The following IL1RAP variants were observed in gnomAD, a reference collection of about 807,000 sequenced individuals.
The protein encoded by IL1RAP is interleukin 1 receptor accessory protein, also known as interleukin-1 receptor accessory protein.
A neutral mutation model predicts 60.7 loss-of-function variants in IL1RAP; 35 were observed. That is an observed-to-expected ratio of 0.58 (90% CI 0.44 to 0.76). The LOEUF is 0.76. Ranked by LOEUF, IL1RAP falls within the 30% of genes least tolerant of loss-of-function variation. The pLI, the probability that IL1RAP is intolerant of heterozygous loss-of-function variation, is 0.00. For missense variants in IL1RAP, 572 were observed against 693.9 expected (o/e 0.82, Z 1.97); for synonymous variants, 268 against 250.9 (o/e 1.07, Z -0.64).
intron 1 of IL1RAP, among the ~76,000 whole-genome samples, chr3:190,520,272 T>C (rs1240863635): frequency 6.6e-6 from 1 of 152,216 alleles, no homozygotes. Flanking sequence ...GGGTTCATAT[T>C]ATGTCAGTGG....
At chr3:190,609,896 T>C (rs1730672245) in intron 5 of IL1RAP, among the ~76,000 whole-genome samples, 6 of 152,100 alleles carry the variant, frequency 3.9e-5, no homozygotes, top group Admixed American at 3.9e-4. Flanking sequence ...CTGTCAGACT[T>C]GACAACAGGA....
chr3:190,525,647 C>A (rs1722447004), intron 1 of IL1RAP, among the ~76,000 whole-genome samples: 1 of 152,162 alleles, frequency 6.6e-6, no homozygotes, highest in African/African-American at 2.4e-5. Flanking sequence ...ATGAGAAAGA[C>A]AATTTGGTTT....
chr3:190,560,864 CTAAGTACATTT>C (rs1192269389), intron 2 of IL1RAP, among the ~76,000 whole-genome samples: 6 of 152,126 alleles, frequency 3.9e-5, no homozygotes, highest in Non-Finnish European at 8.8e-5. Context: ...TTACAGAGAA[CTAAGTACATTT>C]TAAATCTTCT....
chr3:190,555,155 A>G (rs1725295352), intron 1 of IL1RAP, among the ~76,000 whole-genome samples: 1 of 152,214 alleles, frequency 6.6e-6, no homozygotes, highest in Non-Finnish European at 1.5e-5. Flanking sequence ...GGGAAAAGTA[A>G]TTAATTTCCT....
At chr3:190,615,990 C>A (rs530936394) in intron 5 of IL1RAP, among the ~76,000 whole-genome samples, 1 of 152,092 alleles carries the variant, frequency 6.6e-6, no homozygotes, top group East Asian at 1.9e-4. Flanking sequence ...GGATTTTCAA[C>A]CTTTAGTGTG....
At chr3:190,612,132 T>G (rs1428540797) in intron 5 of IL1RAP, among the ~76,000 whole-genome samples, 1 of 152,154 alleles carries the variant, frequency 6.6e-6, no homozygotes, top group Non-Finnish European at 1.5e-5. Context: ...AAAATAATCT[T>G]GGGGTGCAGT....
At chr3:190,524,730 A>G (rs1009771758) in intron 1 of IL1RAP, among the ~76,000 whole-genome samples, 3 of 152,216 alleles carry the variant, frequency 2.0e-5, no homozygotes, top group African/African-American at 4.8e-5. Flanking sequence ...TAAGGAGGCA[A>G]TGATACATAA....
chr3:190,533,319 G>A (rs1723151606), intron 1 of IL1RAP, among the ~76,000 whole-genome samples: 1 of 152,102 alleles, frequency 6.6e-6, no homozygotes, highest in South Asian at 2.1e-4. Context: ...ACATCTAGTT[G>A]GCAAGGATGT....
chr3:190,525,209 T>G (rs1350271960), intron 1 of IL1RAP, among the ~76,000 whole-genome samples: 1 of 151,782 alleles, frequency 6.6e-6, no homozygotes, highest in Non-Finnish European at 1.5e-5. Context: ...GGACAAGAAA[T>G]GAAAGGCTAA....
chr3:190,651,527 C>A, downstream of IL1RAP: 1 of 370,052 alleles, frequency 2.7e-6, no homozygotes, highest in Non-Finnish European at 3.7e-6. Flanking sequence ...TTATTTTGTG[C>A]ATGTGTTTTA....
chr3:190,639,110 G>A (rs192925802), intron 9 of IL1RAP, among the ~76,000 whole-genome samples: 1 of 152,086 alleles, frequency 6.6e-6, no homozygotes, highest in Admixed American at 6.5e-5. Context: ...CTTTGTGTGT[G>A]TGTGTTTCTT....
chr3:190,625,268 T>A (rs899718639), intron 7 of IL1RAP: 1 of 152,194 alleles, frequency 6.6e-6, no homozygotes, highest in Non-Finnish European at 1.5e-5. Flanking sequence ...TATGGAGTCC[T>A]CTTTGGGGTA....
intron 1 of IL1RAP, chr3:190,516,345 T>C (rs576228303): frequency 6.6e-6 from 1 of 152,362 alleles, no homozygotes; most frequent in East Asian, 1.9e-4. Flanking sequence ...GACAGGGGCC[T>C]TGTGGGGGAA....
At chr3:190,630,156 T>C (rs1363478383) in intron 9 of IL1RAP, 27 of 761,842 alleles carry the variant, frequency 3.5e-5, no homozygotes, top group African/African-American at 9.5e-5. Context: ...GCAGCCACAA[T>C]TGCTAAAATG....
intron 5 of IL1RAP, among the ~76,000 whole-genome samples, chr3:190,617,732 T>C (rs1731402035): frequency 6.6e-6 from 1 of 152,336 alleles, no homozygotes; most frequent in Middle Eastern, 3.4e-3. Flanking sequence ...ATGTTTAAAA[T>C]TATCCTATGT....
chr3:190,533,692 C>T (rs1286812502), intron 1 of IL1RAP, among the ~76,000 whole-genome samples: 2 of 152,084 alleles, frequency 1.3e-5, no homozygotes, highest in South Asian at 2.1e-4. Context: ...GGTGCACATC[C>T]GTGTAGAAAA....
intron 3 of IL1RAP, among the ~76,000 whole-genome samples, chr3:190,584,433 CTGCCAAACTCT>C (rs1442541203): frequency 6.6e-6 from 1 of 152,204 alleles, no homozygotes; most frequent in Non-Finnish European, 1.5e-5. Flanking sequence ...TAATAAGAGG[CTGCCAAACTCT>C]TTTCCAAAGT....
intron 9 of IL1RAP, among the ~76,000 whole-genome samples, chr3:190,634,069 G>A (rs141142368): frequency 2.0e-5 from 3 of 152,122 alleles, no homozygotes; most frequent in East Asian, 3.9e-4. Context: ...TGAGTATGTT[G>A]AGTTTTGTTG....
intron 3 of IL1RAP, among the ~76,000 whole-genome samples, chr3:190,569,373 G>A (rs9811674): frequency 0.93 from 141,897 of 152,256 alleles, 66,250 homozygotes; most frequent in East Asian, 1. Context: ...ATAACTCCGT[G>A]CTCAGATATA....
Sources: allele counts gnomAD v4.1 joint callset (sites outside exome capture counted in the v4.1 genomes callset), GRCh38; gene constraint gnomAD v4.1.1; transcripts MANE v1.5; gene names NCBI Gene and HGNC (gene_info 2026-07-23, HGNC 2026-07-21).